The following BCL11B variants were observed in gnomAD, a reference collection of about 807,000 sequenced individuals.
BCL11B encodes B-cell lymphoma/leukemia 11B.
BCL11B carries 8 observed loss-of-function variants against 49.9 expected under a neutral mutation model. The ratio of observed to expected loss-of-function variants is 0.16; its 90% CI spans 0.09 to 0.29. BCL11B has a LOEUF of 0.29. BCL11B is among the 10% of genes least tolerant of loss of function. BCL11B has a pLI of 1.00. For missense variants in BCL11B, 1,006 were observed against 1,351.0 expected, an observed-to-expected ratio of 0.74 and a Z score of 4.00; for synonymous variants, 739 against 637.4, an observed-to-expected ratio of 1.16 and a Z score of -2.40.
rs1412064788 is a variant in BCL11B, at chr14:99,174,561, G to C, written c.2275C>G (p.Leu759Val). 2.6e-6 allele frequency: 4 copies of C among 1,514,794 alleles called. No homozygotes were observed. The East Asian group carries it at 1.1e-4, about 40-fold the overall frequency. The allele number at this position is 1,514,794 out of a possible 1,614,324, so 93.8% of individuals were successfully genotyped here. A position where few individuals can be genotyped will look rare whatever the true frequency, so the allele number is the denominator to read the frequency against. ...SLRFSTPPGD[L>V]LDGGLSGRSG... ...CGGCCCGAGAGGCCGCCGTCCAGCAGGTCCCCGGGCGGCGTGGAGAAGCGC... is the reference window on the plus strand; with the variant it reads ...CGGCCCGAGAGGCCGCCGTCCAGCACGTCCCCGGGCGGCGTGGAGAAGCGC... Residue 759 changes from leucine to valine, a missense_variant, in exon 4 of 4, where the codon CTG (leucine) becomes GTG (valine). Around this residue, in one of 6 missense-constraint regions of BCL11B, gnomAD observed 443 missense variants for 499.7 expected, o/e 0.89. Transcript: ENST00000357195.
At chr14:99,264,830 C>T (rs1285928949) in intron 1 of BCL11B, 1 of 152,148 alleles carries the variant, frequency 6.6e-6, no homozygotes, top group African/African-American at 2.4e-5. Flanking sequence ...TTCCACGCGT[C>T]TCCAAATAGC....
rs1886398894 is a variant in BCL11B at position 99,174,482 on chromosome 14, C to T, written c.2354G>A (p.Gly785Glu). The T allele has an allele frequency of 1.3e-6, 2 of 1,570,904 alleles. No homozygotes were observed. Reference sequence around the variant, plus strand: ...GCGGCCCTCCTTGGAGCTGGGCCGCCCGGGGCCCGGGCCGCCCAGGTGCGG... The same window carrying T: ...GCGGCCCTCCTTGGAGCTGGGCCGCTCGGGGCCCGGGCCGCCCAGGTGCGG... ...STPHLGGPGP[G>E]RPSSKEGRRS... Residue 785 changes from glycine to glutamate, a missense_variant, in exon 4 of 4, where the codon GGG (glycine) becomes GAG (glutamate). Physicochemically the swap from Gly to Glu is moderately conservative, Grantham distance 98. This residue lies in a region of BCL11B where 443 missense variants were observed against 499.7 expected (regional missense o/e 0.89). Transcript: ENST00000357195.
intron 2 of BCL11B, among the ~76,000 whole-genome samples, chr14:99,244,406 T>G (rs952291343): frequency 6.6e-6 from 1 of 151,940 alleles, no homozygotes; most frequent in African/African-American, 2.4e-5. Flanking sequence ...ACACACATAA[T>G]TAGCGTTTCA....
chr14:99,215,483 C>T (rs750939568), intron 3 of BCL11B, among the ~76,000 whole-genome samples: 1 of 152,214 alleles, frequency 6.6e-6, no homozygotes, highest in Non-Finnish European at 1.5e-5. Flanking sequence ...CTAAATAAAA[C>T]ACAAACATGG....
At chr14:99,197,658 A>G (rs548669443) in intron 3 of BCL11B, among the ~76,000 whole-genome samples, 6 of 152,224 alleles carry the variant, frequency 3.9e-5, no homozygotes, top group African/African-American at 1.4e-4. Flanking sequence ...CCCCGCACGC[A>G]CTCTTCCTCG....
intron 1 of BCL11B, among the ~76,000 whole-genome samples, chr14:99,259,951 T>C (rs1277546469): frequency 6.6e-6 from 1 of 152,210 alleles, no homozygotes; most frequent in African/African-American, 2.4e-5. Context: ...TGATCTAACA[T>C]TGAGCAATAC....
chr14:99,201,134 G>T (rs1350046434), intron 3 of BCL11B, among the ~76,000 whole-genome samples: 2 of 152,204 alleles, frequency 1.3e-5, no homozygotes, highest in Admixed American at 6.5e-5. Flanking sequence ...TCCGAGGGAA[G>T]TGGGCAGTAG....
chr14:99,184,334 C>T lies in BCL11B; in HGVS notation c.641-8139G>A, dbSNP rs1246426538. On this transcript the variant is annotated intron_variant, in intron 3 of 3. Coordinates refer to ENST00000357195, the MANE Select transcript of BCL11B (RefSeq NM_138576.4). This position sits in a 1 kb window ranked among gnomAD's most constrained non-coding sequence, Gnocchi z 6.1. ...GCATTCCACAGCATTGTATTTAGAT[C>T]TGCTTCATACTGATCACCATACTGA... 6.6e-6 allele frequency among the ~76,000 whole-genome samples: 1 copy of T among 152,198 alleles called. No homozygotes were observed. Among genetic ancestry groups the T allele is most frequent in the African/African-American group, 2.4e-5 (1 of 41,446 alleles).
chr14:99,259,616 G>A (rs1273098240), intron 1 of BCL11B, among the ~76,000 whole-genome samples: 9 of 152,154 alleles, frequency 5.9e-5, no homozygotes, highest in East Asian at 3.8e-4. Context: ...GTACAGAAAC[G>A]CCCCGCAGAC....
chr14:99,226,624 C>T (rs1406810745), intron 3 of BCL11B, among the ~76,000 whole-genome samples: 1 of 152,228 alleles, frequency 6.6e-6, no homozygotes, highest in East Asian at 1.9e-4. Context: ...TAACACAAAA[C>T]TTCCAGAAAT....
intron 2 of BCL11B, among the ~76,000 whole-genome samples, chr14:99,252,914 C>T (rs190042934): frequency 3.7e-4 from 56 of 152,326 alleles, no homozygotes; most frequent in Non-Finnish European, 1.9e-4. Flanking sequence ...AGGAAATCAC[C>T]GTGAGAGAGA....
chr14:99,256,619 C>A (rs370452300), intron 2 of BCL11B, among the ~76,000 whole-genome samples: 2 of 152,274 alleles, frequency 1.3e-5, no homozygotes, highest in East Asian at 3.9e-4. Context: ...CAGAGAGCAG[C>A]GGCTCCCTGG....
At chr14:99,261,034 C>T (rs1050295831) in intron 1 of BCL11B, among the ~76,000 whole-genome samples, 1 of 152,204 alleles carries the variant, frequency 6.6e-6, no homozygotes, top group Non-Finnish European at 1.5e-5. Flanking sequence ...CCTGAGATGA[C>T]AGGGTGTTCA....
chr14:99,264,126 CT>C (rs994078713), intron 1 of BCL11B: 2 of 145,090 alleles, frequency 1.4e-5, no homozygotes, highest in Non-Finnish European at 3.2e-5. Context: ...TAACATTATG[CT>C]TTTTTCAAAG....
chr14:99,206,436 A>T (rs1887535587), intron 3 of BCL11B, among the ~76,000 whole-genome samples: 1 of 152,168 alleles, frequency 6.6e-6, no homozygotes, highest in African/African-American at 2.4e-5. Flanking sequence ...TAAACAATTC[A>T]TCAGTTTTAA....
chr14:99,220,663 C>T (rs1887980988), intron 3 of BCL11B, among the ~76,000 whole-genome samples: 1 of 152,068 alleles, frequency 6.6e-6, no homozygotes, highest in South Asian at 2.1e-4. Flanking sequence ...GTGGTGATGG[C>T]TGCATAACAA....
At chr14:99,199,683 T>TGTGTGCGTGC in intron 3 of BCL11B, among the ~76,000 whole-genome samples, 1 of 73,644 alleles carries the variant, frequency 1.4e-5, no homozygotes, top group Non-Finnish European at 4.1e-5. Context: ...TGTGTGTGTG[T>TGTGTGCGTGC]GCGCGCGCGC....
chr14:99,250,852 C>A (rs1178074932), intron 2 of BCL11B, among the ~76,000 whole-genome samples: 1 of 102,378 alleles, frequency 9.8e-6, no homozygotes, highest in Non-Finnish European at 2.0e-5. Context: ...ATAAATAAGG[C>A]CTCAAACCTT....
At chr14:99,198,732 C>G (rs1251836589) in intron 3 of BCL11B, among the ~76,000 whole-genome samples, 1 of 152,208 alleles carries the variant, frequency 6.6e-6, no homozygotes, top group Non-Finnish European at 1.5e-5. Flanking sequence ...CTGCTTTGCA[C>G]TCACCAGAAC....
Sources: gnomAD v4.1 joint callset for allele counts (sites outside exome capture counted in the v4.1 genomes callset) on GRCh38, gnomAD v4.1.1 for gene constraint, gnomAD v4.1.1 regional missense constraint, Gnocchi (gnomAD v3.1) non-coding constraint, MANE v1.5 for transcripts, NCBI Gene and HGNC (gene_info 2026-07-23, HGNC 2026-07-21) for gene names.